The following PJVK variants were observed in gnomAD, a reference collection of about 807,000 sequenced individuals.
PJVK encodes the protein pejvakin.
A neutral mutation model predicts 37.6 loss-of-function variants in PJVK; 33 were observed. The ratio of observed to expected loss-of-function variants is 0.88; its 90% confidence interval spans 0.67 to 1.17. The LOEUF is 1.17. Among genes scored for constraint, PJVK ranks in the 50% most tolerant of loss-of-function variants. PJVK has a pLI of 0.00. For missense variants in PJVK, 410 were observed against 413.8 expected, an observed-to-expected ratio of 0.99 and a Z score of 0.08; for synonymous variants, 141 against 143.5, an observed-to-expected ratio of 0.98 and a Z score of 0.13.
rs776107755 is a variant in PJVK at position 178,458,548 on chromosome 2, C to T, written c.588C>T (p.Asp196=). The T allele has an allele frequency of 3.7e-6, 6 of 1,613,974 alleles. No homozygotes were observed. The highest frequency in any genetic ancestry group is 5.1e-6 in the Non-Finnish European group (6 of 1,179,890). ...ATGAACAGAATCCCAAGGGAAGGGA[C>T]AAAGCTATTGTTTTCCCAGCACATA... ...FMDEQNPKGR[D]KAIVFPAHTT... is the part of the protein sequence containing the mutation. The change falls in exon 5 of 7, where the codon GAC becomes GAT. Residue 196 remains aspartate, a synonymous_variant. Coordinates refer to ENST00000644580, the MANE Select transcript of PJVK (RefSeq NM_001042702.5).
intron 3 of PJVK, chr2:178,455,327 A>G (rs985391461): frequency 3.1e-6 from 4 of 1,292,134 alleles, no homozygotes; most frequent in African/African-American, 1.5e-5. Flanking sequence ...ACAGAAGTCC[A>G]TGGGGCTGCC....
At chr2:178,452,436 G>A (rs1697742485) in intron 1 of PJVK, 4 of 984,842 alleles carry the variant, frequency 4.1e-6, no homozygotes, top group Non-Finnish European at 4.8e-6. Context: ...CTTCCTCTCC[G>A]TCTATATATG....
Position 178,453,544 on chromosome 2 carries a change from G to C in PJVK, c.135G>C (p.Leu45=), listed in dbSNP as rs375687411. The C allele has an allele frequency of 1.5e-5, 24 of 1,613,966 alleles. No individual in the cohort carries two copies. The African/African-American group carries it at 3.1e-4, about 21-fold the overall frequency. ...TGGTAAAAAAGAAGCGATGCTTTCT[G>C]TTTCCTAGATATAAATTTACTTCAA... The part of the protein sequence containing the change: ...SLVVKKKRCF[L]FPRYKFTSTP... Residue 45 remains leucine, a synonymous_variant, in exon 2 of 7, where the codon CTG becomes CTC. Coordinates refer to ENST00000644580, the MANE Select transcript of PJVK (RefSeq NM_001042702.5).
chr2:178,456,312 GAA>G (rs80082011), intron 4 of PJVK, 161 bp downstream of exon 4: 116 of 653,962 alleles, frequency 1.8e-4, no homozygotes, highest in South Asian at 7.2e-4. Flanking sequence ...TCTAGAATAT[GAA>G]AAAAAAAAAC....
chr2:178,456,574 T>G (rs1034410053), intron 4 of PJVK, among the ~76,000 whole-genome samples: 4 of 152,140 alleles, frequency 2.6e-5, no homozygotes, highest in Admixed American at 1.3e-4. Context: ...GAGATCAAGT[T>G]GGGCAACACA....
At chr2:178,456,491 C>A (rs1684095608) in intron 4 of PJVK, among the ~76,000 whole-genome samples, 1 of 151,968 alleles carries the variant, frequency 6.6e-6, no homozygotes, top group African/African-American at 2.4e-5. Context: ...TTTGACTGGG[C>A]ACAGTGGCTC....
intron 3 of PJVK, chr2:178,454,812 C>A: frequency 7.1e-7 from 1 of 1,400,906 alleles, no homozygotes; most frequent in Non-Finnish European, 1.0e-6. Context: ...TGCAGAGAAT[C>A]ATGAGGCCCA....
intron 5 of PJVK, chr2:178,460,109 CT>C: frequency 2.1e-6 from 1 of 487,340 alleles, no homozygotes; most frequent in South Asian, 2.3e-5. Flanking sequence ...ACGGGTGCCC[CT>C]AAGCCCCTGA....
At chr2:178,455,176 C>T in intron 3 of PJVK, 2 of 1,595,924 alleles carry the variant, frequency 1.3e-6, no homozygotes, top group South Asian at 2.2e-5. Context: ...TGGAGAAGAT[C>T]AAGAAGATGG....
At chr2:178,452,435 C>T in intron 1 of PJVK, 4 of 985,200 alleles carry the variant, frequency 4.1e-6, no homozygotes, top group Non-Finnish European at 4.8e-6. Flanking sequence ...TCTTCCTCTC[C>T]GTCTATATAT....
At position 178,453,549 on chromosome 2, in the gene PJVK, C is replaced by G. The variant is rs746776380; in HGVS notation, c.140C>G (p.Pro47Arg). 5.6e-6 allele frequency: 9 copies of G among 1,614,060 alleles called. No homozygotes were observed. Among genetic ancestry groups the G allele is most frequent in the African/African-American group, 1.3e-5 (1 of 75,040 alleles). The change falls in exon 2 of 7, where the codon CCT (proline) becomes CGT (arginine). Residue 47 changes from proline (P) to arginine (R), a missense_variant. Transcript: ENST00000644580. ...AAAAAGAAGCGATGCTTTCTGTTTC[C>G]TAGATATAAATTTACTTCAACACCT... ...VVKKKRCFLF[P>R]RYKFTSTPFT...
chr2:178,457,668 A>G (rs1423323696), intron 4 of PJVK, among the ~76,000 whole-genome samples: 1 of 152,176 alleles, frequency 6.6e-6, no homozygotes, highest in Non-Finnish European at 1.5e-5. Context: ...GCAGCCATCC[A>G]ACTAGGGGCC....
intron 3 of PJVK, chr2:178,454,777 A>C: frequency 7.6e-6 from 12 of 1,581,638 alleles, no homozygotes; most frequent in Non-Finnish European, 9.5e-6. Flanking sequence ...GAGAGGCTGC[A>C]GCTAGAGATT....
chr2:178,451,797 G>A (rs1017617602), intron 1 of PJVK, 28 bp downstream of exon 1: 1 of 985,326 alleles, frequency 1.0e-6, no homozygotes, highest in African/African-American at 1.7e-5. Flanking sequence ...AAACACGTTA[G>A]GAGTAAACGA....
At chr2:178,457,349 A>G (rs1684179196) in intron 4 of PJVK, among the ~76,000 whole-genome samples, 1 of 152,182 alleles carries the variant, frequency 6.6e-6, no homozygotes, top group South Asian at 2.1e-4. Context: ...GGTGCAGTGG[A>G]TCATGCCTGT....
At chr2:178,460,111 A>T (rs1684387850) in intron 5 of PJVK, 1 of 491,626 alleles carries the variant, frequency 2.0e-6, no homozygotes, top group Non-Finnish European at 3.7e-6. Context: ...GGGTGCCCCT[A>T]AGCCCCTGAG....
chr2:178,453,607 A>G lies in PJVK; in HGVS notation c.198A>G (p.Arg66=). 6.2e-7 allele frequency: 1 copy of G among 1,612,508 alleles called. No homozygotes were observed. Among genetic ancestry groups the G allele is most frequent in the Non-Finnish European group, 8.5e-7 (1 of 1,179,056 alleles). The change falls in exon 2 of 7, where the codon AGA becomes AGG. Residue 66 remains arginine, a synonymous_variant. Coordinates refer to ENST00000644580, the MANE Select transcript of PJVK (RefSeq NM_001042702.5). ...FTLKDILLGD[R]EISAGISSYQ... ...TGAAAGATATTCTCCTAGGAGACAG[A>G]GAAATTTCAGCTGGTAAGTTTAAAT...
intron 6 of PJVK, among the ~76,000 whole-genome samples, 184 bp downstream of exon 6, chr2:178,460,630 C>A (rs1221816188): frequency 6.6e-6 from 1 of 151,870 alleles, no homozygotes; most frequent in Non-Finnish European, 1.5e-5. Flanking sequence ...ATTGCTAGCA[C>A]TCAGAAGTTT....
At chr2:178,455,863 C>A (rs548233550) in intron 3 of PJVK, 147 bp from the exon 4 acceptor site, 4 of 844,940 alleles carry the variant, frequency 4.7e-6, no homozygotes, top group Non-Finnish European at 7.4e-6. Context: ...TATTACATTT[C>A]TTTTGGGTGT....
Sources: allele counts gnomAD v4.1 joint callset (sites outside exome capture counted in the v4.1 genomes callset), GRCh38; gene constraint gnomAD v4.1.1; transcripts MANE v1.5; gene names NCBI Gene and HGNC (gene_info 2026-07-23, HGNC 2026-07-21).